The following LURAP1L variants were observed in gnomAD, a reference collection of about 807,000 sequenced individuals.
LURAP1L encodes leucine rich adaptor protein 1-like.
A neutral mutation model predicts 13.8 loss-of-function variants in LURAP1L; 12 were observed. That is an observed-to-expected ratio of 0.87 (90% CI 0.56 to 1.41). The LOEUF (loss-of-function observed/expected upper bound fraction) is 1.41, where lower values mean the gene tolerates loss of function less well. Among genes scored for constraint, LURAP1L ranks in the 40% most tolerant of loss-of-function variants. LURAP1L has a pLI of 0.00. For missense variants in LURAP1L, 375 were observed against 292.9 expected, an observed-to-expected ratio of 1.28 and a Z score of -2.04; for synonymous variants, 139 against 119.2, an observed-to-expected ratio of 1.17 and a Z score of -1.08.
At chr9:12,802,063 T>A (rs1189667336) in intron 1 of LURAP1L, among the ~76,000 whole-genome samples, 3 of 152,200 alleles carry the variant, frequency 2.0e-5, no homozygotes, top group Admixed American at 1.3e-4. Flanking sequence ...CAGAAGGAGA[T>A]ATACATAATA....
intron 1 of LURAP1L, among the ~76,000 whole-genome samples, chr9:12,785,387 C>T (rs181709653): frequency 1.3e-5 from 2 of 152,214 alleles, no homozygotes; most frequent in African/African-American, 4.8e-5. Flanking sequence ...AGGTCCTGTA[C>T]ACCCTAAGTC....
chr9:12,821,713 C>T lies in LURAP1L; in HGVS notation c.640C>T (p.Leu214=). The T allele has an allele frequency of 1.2e-6, 2 of 1,614,176 alleles. No homozygotes were observed. Among genetic ancestry groups the T allele is most frequent in the Non-Finnish European group, 1.7e-6 (2 of 1,180,028 alleles). The part of the protein sequence containing the change: ...DSSLIEDSQA[L]HKRPKLDSEY... Reference sequence around the variant, plus strand: ...CTCCCTCATAGAGGACTCACAGGCACTACACAAGCGTCCTAAATTGGATTC... The same window carrying T: ...CTCCCTCATAGAGGACTCACAGGCATTACACAAGCGTCCTAAATTGGATTC... The change falls in exon 2 of 2, where the codon CTA becomes TTA. Residue 214 remains leucine (L), a synonymous_variant. Coordinates refer to ENST00000319264, the MANE Select transcript of LURAP1L (RefSeq NM_203403.2).
chr9:12,780,197 G>A (rs1160589297), intron 1 of LURAP1L, among the ~76,000 whole-genome samples: 2 of 152,170 alleles, frequency 1.3e-5, no homozygotes, highest in East Asian at 3.8e-4. Context: ...ACCATCTTGT[G>A]TTCATTTAAG....
intron 1 of LURAP1L, among the ~76,000 whole-genome samples, chr9:12,802,130 A>C (rs1456103382): frequency 6.6e-6 from 1 of 152,188 alleles, no homozygotes; most frequent in Non-Finnish European, 1.5e-5. Flanking sequence ...TACACAGCCC[A>C]AATTAATTTT....
At position 12,821,445 on chromosome 9, in the gene LURAP1L, C is replaced by G; in HGVS notation, c.372C>G (p.Ser124Arg). Residue 124 changes from serine (S) to arginine (R), a missense_variant, in exon 2 of 2, where the codon AGC (serine) becomes AGG (arginine). Coordinates refer to ENST00000319264, the MANE Select transcript of LURAP1L (RefSeq NM_203403.2). Reference sequence around the variant, plus strand: ...GCCAGTTGCTTGTAATCAATGAGAGCATCGAGTCCATCAAGTGGATGATCG... The same window carrying G: ...GCCAGTTGCTTGTAATCAATGAGAGGATCGAGTCCATCAAGTGGATGATCG... ...LMRQLLVINE[S>R]IESIKWMIEE... 1 of 1,614,130 alleles carries G rather than the reference C, an allele frequency of 6.2e-7. No homozygotes were observed. The highest frequency in any genetic ancestry group is 8.5e-7 in the Non-Finnish European group (1 of 1,180,022).
chr9:12,820,550 T>C (rs1819862588), intron 1 of LURAP1L, among the ~76,000 whole-genome samples: 2 of 118,454 alleles, frequency 1.7e-5, no homozygotes, highest in African/African-American at 3.2e-5. Flanking sequence ...AGAAGGCACA[T>C]AAGGGAATTC....
chr9:12,800,868 A>C (rs1819576738), intron 1 of LURAP1L, among the ~76,000 whole-genome samples: 1 of 152,166 alleles, frequency 6.6e-6, no homozygotes, highest in South Asian at 2.1e-4. Flanking sequence ...TAATGTGAGA[A>C]CAGACTAATA....
chr9:12,801,292 T>A (rs1400445370), intron 1 of LURAP1L, among the ~76,000 whole-genome samples: 1 of 151,152 alleles, frequency 6.6e-6, no homozygotes, highest in African/African-American at 2.4e-5. Flanking sequence ...AGCATTAGGA[T>A]ATTATGTTAA....
chr9:12,803,245 C>T (rs1819610879), intron 1 of LURAP1L, among the ~76,000 whole-genome samples: 1 of 152,126 alleles, frequency 6.6e-6, no homozygotes. Flanking sequence ...TGAAAAATTT[C>T]CTATCACTTC....
chr9:12,804,834 AC>A (rs984535505), intron 1 of LURAP1L, among the ~76,000 whole-genome samples: 2 of 152,156 alleles, frequency 1.3e-5, no homozygotes, highest in Non-Finnish European at 2.9e-5. Context: ...ACCAGGAAGT[AC>A]CTTTTTTTCT....
At chr9:12,790,717 C>G (rs901993820) in intron 1 of LURAP1L, 1 of 149,814 alleles carries the variant, frequency 6.7e-6, no homozygotes, top group Non-Finnish European at 1.5e-5. Context: ...TCAGAGTTGT[C>G]GGAAGAGTAG....
intron 1 of LURAP1L, among the ~76,000 whole-genome samples, chr9:12,806,964 G>A (rs1168420537): frequency 2.4e-5 from 3 of 126,602 alleles, no homozygotes; most frequent in Admixed American, 2.0e-4. Flanking sequence ...TTAAAAATGA[G>A]TCTAAACCAT....
chr9:12,813,213 T>C (rs1207879910), intron 1 of LURAP1L, among the ~76,000 whole-genome samples: 2 of 152,156 alleles, frequency 1.3e-5, no homozygotes, highest in South Asian at 2.1e-4. Flanking sequence ...TGTGAACTAG[T>C]TGCCAATCAC....
intron 1 of LURAP1L, among the ~76,000 whole-genome samples, chr9:12,792,442 C>G (rs747782494): frequency 8.5e-5 from 13 of 152,110 alleles, no homozygotes; most frequent in Non-Finnish European, 1.8e-4. Context: ...CTTCTCTCCT[C>G]AGTCCTGAAG....
intron 1 of LURAP1L, among the ~76,000 whole-genome samples, chr9:12,789,854 T>C (rs2118487080): frequency 6.6e-6 from 1 of 152,294 alleles, no homozygotes; most frequent in South Asian, 2.1e-4. Flanking sequence ...AAATTAAGAC[T>C]ACAGATAAAG....
At position 12,804,755 on chromosome 9, in the gene LURAP1L, T is replaced by C. The variant is rs540048291; in HGVS notation, c.313-16631T>C. On this transcript the variant is annotated intron_variant, in intron 1 of 1. Transcript: ENST00000319264. ...GGCTCAATGAAGGAAATCATCAGGA[T>C]GAAAAGATGGTTAAAGGAAGAAACA... 5.3e-5 allele frequency among the ~76,000 whole-genome samples: 8 copies of C among 152,244 alleles called. No homozygotes were observed. In the South Asian group the frequency reaches 1.7e-3, roughly 32 times the overall value.
In LURAP1L at chr9:12,810,660, T is replaced by C. The variant is rs1819724317; in HGVS notation, c.313-10726T>C. Among the ~76,000 whole-genome samples the C allele has an allele frequency of 3.3e-5, 5 of 152,212 alleles. No individual in the cohort carries two copies. The South Asian group carries it at 8.3e-4, about 25-fold the overall frequency. On this transcript the variant is annotated intron_variant, in intron 1 of 1. Transcript: ENST00000319264. ...TAGGAAGCATTTGATAAATGGCAGA[T>C]ACTATTATTAATATTCCTAAAGCCA...
chr9:12,813,846 A>C (rs1819770183), intron 1 of LURAP1L, among the ~76,000 whole-genome samples: 1 of 152,334 alleles, frequency 6.6e-6, no homozygotes, highest in South Asian at 2.1e-4. Context: ...GTGTAACAAT[A>C]ACAATTATTG....
intron 1 of LURAP1L, chr9:12,777,346 C>G: frequency 1.0e-6 from 1 of 985,372 alleles, no homozygotes; most frequent in Non-Finnish European, 1.2e-6. Context: ...GATACCGTAT[C>G]ACAAAGATCA....
Sources: allele counts gnomAD v4.1 joint callset (sites outside exome capture counted in the v4.1 genomes callset), GRCh38; gene constraint gnomAD v4.1.1; transcripts MANE v1.5; gene names NCBI Gene and HGNC (gene_info 2026-07-23, HGNC 2026-07-21).